The following PCDHA2 variants were observed in gnomAD, a reference collection of about 807,000 sequenced individuals.
The protein encoded by PCDHA2 is protocadherin alpha-2.
In PCDHA2, 58 loss-of-function variants were observed where a neutral mutation model predicts 66.0. The ratio of observed to expected loss-of-function variants is 0.88; its 90% CI spans 0.71 to 1.09. The LOEUF is 1.09. Among genes scored for constraint, PCDHA2 ranks in the 50% least tolerant of loss-of-function variants. The pLI, the probability that PCDHA2 is intolerant of heterozygous loss-of-function variation, is 0.00. For missense variants in PCDHA2, 1,267 were observed against 1,242.3 expected (o/e 1.02, Z -0.30); for synonymous variants, 634 against 554.0 (o/e 1.14, Z -2.03).
intron 1 of PCDHA2, chr5:140,823,286 C>A: frequency 1.2e-6 from 2 of 1,612,438 alleles, no homozygotes; most frequent in Non-Finnish European, 8.5e-7. Flanking sequence ...CGCCCGCTGT[C>A]GAGTTACGTT....
At chr5:140,802,526 G>A in intron 1 of PCDHA2, 3 of 1,614,188 alleles carry the variant, frequency 1.9e-6, no homozygotes, top group Non-Finnish European at 2.5e-6. Flanking sequence ...GCGTGTCCGT[G>A]GAGGTGGCCG....
chr5:140,823,778 T>A lies in PCDHA2; in HGVS notation c.2388+26426T>A, dbSNP rs2150129086. 3.1e-6 allele frequency: 5 copies of A among 1,613,772 alleles called. No individual in the cohort carries two copies. The Admixed American group carries it at 8.3e-5, about 27-fold the overall frequency. On this transcript the variant is annotated intron_variant, in intron 1 of 3. Coordinates refer to ENST00000526136, the MANE Select transcript of PCDHA2 (RefSeq NM_018905.3). ...GCCACAGCCACAGTGCTGGTGTCGC[T>A]GGTGGAAAGTGGCCAGGCGCCGAAG...
At chr5:141,005,632 G>C (rs2098225457) in intron 3 of PCDHA2, among the ~76,000 whole-genome samples, 2 of 148,162 alleles carry the variant, frequency 1.3e-5, no homozygotes, top group Non-Finnish European at 3.0e-5. Context: ...AACCCGGGAG[G>C]CGGAGCTTGC....
At chr5:140,949,203 T>C (rs879971307) in intron 1 of PCDHA2, among the ~76,000 whole-genome samples, 13 of 151,790 alleles carry the variant, frequency 8.6e-5, no homozygotes, top group East Asian at 1.9e-4. Flanking sequence ...TTCAGTCTTT[T>C]AAAAATCTGT....
intron 1 of PCDHA2, chr5:140,884,276 G>C: frequency 6.8e-6 from 11 of 1,613,638 alleles, no homozygotes; most frequent in Non-Finnish European, 9.3e-6. Context: ...GTTGTCGCTG[G>C]TGGAGAGCGG....
In PCDHA2 at chr5:141,002,285, A is replaced by C. The variant is rs2098070605; in HGVS notation, c.2537-7342A>C. On this transcript the variant is annotated intron_variant, in intron 3 of 3. Coordinates refer to ENST00000526136, the MANE Select transcript of PCDHA2 (RefSeq NM_018905.3). ...CCCAGAGCTGGTAACAAAGGGATGA[A>C]TGGGGAGCAAAGGGGCGGGGCCGAA... 4.6e-5 allele frequency among the ~76,000 whole-genome samples: 7 copies of C among 152,158 alleles called. No individual in the cohort carries two copies. In the South Asian group the frequency reaches 1.4e-3, roughly 31 times the overall value.
chr5:140,862,831 G>A (rs782083560), intron 1 of PCDHA2: 2 of 572,766 alleles, frequency 3.5e-6, no homozygotes, highest in Admixed American at 1.9e-5. Context: ...AGCGCGCGAC[G>A]CGGGCATGCC....
At chr5:140,821,816 T>A in intron 1 of PCDHA2, 1 of 1,613,984 alleles carries the variant, frequency 6.2e-7, no homozygotes, top group Non-Finnish European at 8.5e-7. Context: ...TCCCGGCTCC[T>A]GCTGCTCTGG....
chr5:140,886,697 G>A (rs1230801248), intron 1 of PCDHA2, among the ~76,000 whole-genome samples: 4 of 151,750 alleles, frequency 2.6e-5, no homozygotes. Context: ...ATGGTGGCAC[G>A]CGCCTGTAAT....
At chr5:141,000,419 ATATTTTTT>A (rs1194100555) in intron 3 of PCDHA2, among the ~76,000 whole-genome samples, 4 of 60,996 alleles carry the variant, frequency 6.6e-5, no homozygotes, top group African/African-American at 2.3e-4. Flanking sequence ...ATATATATAT[ATATTTTTT>A]TTTTTTTTTT....
At chr5:140,843,925 C>T in intron 1 of PCDHA2, 4 of 594,474 alleles carry the variant, frequency 6.7e-6, no homozygotes, top group Non-Finnish European at 8.8e-6. Context: ...TCTTGAAACT[C>T]AAGTTATGGT....
At chr5:140,836,229 G>A in intron 1 of PCDHA2, 1 of 1,613,818 alleles carries the variant, frequency 6.2e-7, no homozygotes. Context: ...ACCGGTGGCG[G>A]CCGGTGCGAG....
intron 1 of PCDHA2, chr5:140,842,155 A>G (rs1554138828): frequency 1.2e-6 from 2 of 1,613,884 alleles, no homozygotes; most frequent in East Asian, 2.2e-5. Context: ...GGGCAATTTC[A>G]TATTCTTTTA....
At chr5:140,914,451 C>A (rs879984519) in intron 1 of PCDHA2, among the ~76,000 whole-genome samples, 1 of 152,094 alleles carries the variant, frequency 6.6e-6, no homozygotes, top group Non-Finnish European at 1.5e-5. Context: ...TCTTTATTTT[C>A]CAGTCTATGT....
At chr5:141,007,095 G>A (rs1405401392) in intron 3 of PCDHA2, among the ~76,000 whole-genome samples, 2 of 152,208 alleles carry the variant, frequency 1.3e-5, no homozygotes, top group East Asian at 1.9e-4. Context: ...AGAGAGTCTA[G>A]GGCCAAACCC....
At chr5:140,799,495 T>C (rs557101632) in intron 1 of PCDHA2, among the ~76,000 whole-genome samples, 1 of 152,174 alleles carries the variant, frequency 6.6e-6, no homozygotes, top group East Asian at 1.9e-4. Flanking sequence ...GTCCATGCTT[T>C]TCAGAAATAA....
chr5:140,934,998 T>A (rs1242919330), intron 1 of PCDHA2, among the ~76,000 whole-genome samples: 1 of 152,198 alleles, frequency 6.6e-6, no homozygotes, highest in Non-Finnish European at 1.5e-5. Flanking sequence ...CCCTGAATCC[T>A]TTTCATGTGA....
At chr5:140,908,726 G>A (rs1304356386) in intron 1 of PCDHA2, among the ~76,000 whole-genome samples, 3 of 152,188 alleles carry the variant, frequency 2.0e-5, no homozygotes, top group African/African-American at 4.8e-5. Flanking sequence ...TGGGTCATAT[G>A]GCTCGAGAAA....
chr5:140,795,451 G>A lies in PCDHA2; in HGVS notation c.487G>A (p.Gly163Arg). ...PLEGASDADI[G>R]VNALLSYKLS... ...AGAGGGAGCATCTGATGCAGATATA[G>A]GAGTAAATGCTCTTCTCTCCTACAA... The change falls in exon 1 of 4, where the codon GGA (glycine) becomes AGA (arginine). Residue 163 changes from glycine (G) to arginine (R), a missense_variant. Coordinates refer to ENST00000526136, the MANE Select transcript of PCDHA2 (RefSeq NM_018905.3). 1.9e-6 allele frequency: 3 copies of A among 1,614,168 alleles called. No homozygotes were observed. The highest frequency in any genetic ancestry group is 2.5e-6 in the Non-Finnish European group (3 of 1,180,030).
Sources: gnomAD v4.1 joint callset for allele counts (sites outside exome capture counted in the v4.1 genomes callset) on GRCh38, gnomAD v4.1.1 for gene constraint, MANE v1.5 for transcripts, NCBI Gene and HGNC (gene_info 2026-07-23, HGNC 2026-07-21) for gene names.